The following MSRA variants were observed in gnomAD, a reference collection of about 807,000 sequenced individuals.
MSRA encodes the protein methionine sulfoxide reductase A, also known as mitochondrial peptide methionine sulfoxide reductase.
MSRA carries 54 observed loss-of-function variants against 31.3 expected under a neutral mutation model. That is an observed-to-expected ratio of 1.73 (90% confidence interval 1.39 to 2.17). The LOEUF (loss-of-function observed/expected upper bound fraction) is 2.17, where lower values mean the gene tolerates loss of function less well. Ranked by LOEUF, MSRA falls within the 30% of genes most tolerant of loss-of-function variation. The pLI, the probability that MSRA is intolerant of heterozygous loss-of-function variation, is 0.00. For missense variants in MSRA, 507 were observed against 300.9 expected (o/e 1.69, Z -5.07); for synonymous variants, 169 against 116.5 (o/e 1.45, Z -2.90).
intron 3 of MSRA, among the ~76,000 whole-genome samples, chr8:10,270,698 C>T (rs1452120231): frequency 1.3e-5 from 2 of 152,210 alleles, no homozygotes; most frequent in South Asian, 2.1e-4. Context: ...TCTGTGATTT[C>T]ATAAGCATTC....
intron 4 of MSRA, among the ~76,000 whole-genome samples, chr8:10,316,560 CT>C (rs1801733762): frequency 9.2e-6 from 1 of 108,562 alleles, no homozygotes; most frequent in African/African-American, 4.4e-5. Context: ...CTCTCTCTCT[CT>C]CTCTCTCTCT....
intron 2 of MSRA, among the ~76,000 whole-genome samples, chr8:10,221,083 G>A (rs1289915760): frequency 3.9e-5 from 6 of 152,174 alleles, no homozygotes; most frequent in African/African-American, 1.4e-4. Context: ...GATGGGGAAA[G>A]CCCAATAGCA....
chr8:10,280,974 G>C (rs2975644), intron 3 of MSRA, among the ~76,000 whole-genome samples: 38,205 of 152,118 alleles, frequency 0.25, 6,434 homozygotes, highest in African/African-American at 0.44. Flanking sequence ...ACAGAAATAA[G>C]ACACATTAGT....
At chr8:10,187,623 G>A (rs1585123734) in intron 1 of MSRA, among the ~76,000 whole-genome samples, 1 of 152,172 alleles carries the variant, frequency 6.6e-6, no homozygotes, top group Admixed American at 6.5e-5. Context: ...GTAATGACAA[G>A]GCATGACTTC....
chr8:10,155,890 A>T (rs937381057), intron 1 of MSRA, among the ~76,000 whole-genome samples: 1 of 152,200 alleles, frequency 6.6e-6, no homozygotes, highest in Non-Finnish European at 1.5e-5. Flanking sequence ...TTATAACCTT[A>T]ATGTAATCAA....
chr8:10,087,212 T>C (rs1371735191), intron 1 of MSRA, among the ~76,000 whole-genome samples: 1 of 152,176 alleles, frequency 6.6e-6, no homozygotes, highest in Admixed American at 6.5e-5. Flanking sequence ...CAGCATACTA[T>C]AAATACAACA....
chr8:10,253,209 C>T (rs1322449018), intron 3 of MSRA, among the ~76,000 whole-genome samples: 2 of 152,150 alleles, frequency 1.3e-5, no homozygotes, highest in Non-Finnish European at 2.9e-5. Flanking sequence ...CTAAAGACTC[C>T]AATAATGTCA....
intron 5 of MSRA, among the ~76,000 whole-genome samples, chr8:10,334,166 GTGTGTGTGTGTGTGTGTATTTA>G (rs900517776): frequency 8.7e-5 from 9 of 103,420 alleles, no homozygotes; most frequent in Admixed American, 3.8e-4. Context: ...ACATATAGGG[GTGTGTGTGTGTGTGTGTATTTA>G]TGTGTGTGTG....
At chr8:10,226,818 C>T (rs1320642890) in intron 2 of MSRA, among the ~76,000 whole-genome samples, 2 of 152,206 alleles carry the variant, frequency 1.3e-5, no homozygotes, top group Non-Finnish European at 2.9e-5. Context: ...CTCTACAGCT[C>T]ATTCTCAGCC....
In MSRA at chr8:10,135,205, C is replaced by T. The variant is rs184765600; in HGVS notation, c.143-72628C>T. Among the ~76,000 whole-genome samples the T allele has an allele frequency of 5.9e-5, 9 of 152,322 alleles. No individual in the cohort carries two copies. The East Asian group carries it at 1.7e-3, about 29-fold the overall frequency. Reference sequence around the variant, plus strand: ...AAAAGTCCTATATAAGCAATACCTGCCGTGGTTCCCCACTTTTCAGGCCAT... The same window carrying T: ...AAAAGTCCTATATAAGCAATACCTGTCGTGGTTCCCCACTTTTCAGGCCAT... On this transcript the variant is annotated intron_variant, in intron 1 of 5. Transcript: ENST00000317173.
chr8:10,424,163 T>C (rs1808986206), intron 5 of MSRA, among the ~76,000 whole-genome samples: 1 of 151,970 alleles, frequency 6.6e-6, no homozygotes, highest in South Asian at 2.1e-4. Flanking sequence ...TGGATAGGAG[T>C]TCCTGCGATG....
At chr8:10,077,519 C>G (rs947219416) in intron 1 of MSRA, among the ~76,000 whole-genome samples, 2 of 133,024 alleles carry the variant, frequency 1.5e-5, no homozygotes, top group Non-Finnish European at 3.1e-5. Context: ...GACAGAGTCT[C>G]ACTATGTTGC....
At chr8:10,268,582 C>A (rs2129098609) in intron 3 of MSRA, among the ~76,000 whole-genome samples, 1 of 152,344 alleles carries the variant, frequency 6.6e-6, no homozygotes. Context: ...AGTAAGACCT[C>A]AATAAGTTGC....
chr8:10,248,157 G>A (rs948123360), intron 3 of MSRA, among the ~76,000 whole-genome samples: 1 of 152,168 alleles, frequency 6.6e-6, no homozygotes, highest in African/African-American at 2.4e-5. Flanking sequence ...CATTGTGGGA[G>A]AAATACTAGT....
intron 1 of MSRA, among the ~76,000 whole-genome samples, chr8:10,103,223 C>G (rs1180818372): frequency 6.6e-6 from 1 of 152,016 alleles, no homozygotes; most frequent in Non-Finnish European, 1.5e-5. Context: ...TAGAAGAGGT[C>G]AGTATATTAA....
rs1019072175 is a variant in MSRA, at chr8:10,062,423, C to G, written c.142+7765C>G. 2.0e-5 allele frequency among the ~76,000 whole-genome samples: 3 copies of G among 152,310 alleles called. 1 individual carries two copies. The highest frequency in any genetic ancestry group is 3.4e-3 in the Middle Eastern group (1 of 294). ...ATAAACTCCAAGTTTGAGAGCATCA[C>G]AATATTCATCGATATGTAGCACTAC... On this transcript the variant is annotated intron_variant, in intron 1 of 5. Coordinates refer to ENST00000317173, the MANE Select transcript of MSRA (RefSeq NM_012331.5).
chr8:10,228,254 C>T (rs1468686712), intron 2 of MSRA, among the ~76,000 whole-genome samples: 1 of 152,182 alleles, frequency 6.6e-6, no homozygotes, highest in Non-Finnish European at 1.5e-5. Flanking sequence ...TTGCCCTGGT[C>T]AGAGGTTTCA....
At chr8:10,154,226 C>G (rs1018539696) in intron 1 of MSRA, among the ~76,000 whole-genome samples, 1 of 152,168 alleles carries the variant, frequency 6.6e-6, no homozygotes, top group Non-Finnish European at 1.5e-5. Flanking sequence ...GCTTGAAAAC[C>G]TTGCGGAAGA....
At chr8:10,346,405 C>A (rs950734151) in intron 5 of MSRA, among the ~76,000 whole-genome samples, 37 of 152,186 alleles carry the variant, frequency 2.4e-4, no homozygotes, top group Admixed American at 2.6e-4. Flanking sequence ...CACCCTCCCC[C>A]ACTCTAGGGA....
Sources: gnomAD v4.1 joint callset for allele counts (sites outside exome capture counted in the v4.1 genomes callset) on GRCh38, gnomAD v4.1.1 for gene constraint, MANE v1.5 for transcripts, NCBI Gene and HGNC (gene_info 2026-07-23, HGNC 2026-07-21) for gene names.